Variants in PRR16 observed in about 807,000 individuals in gnomAD.
PRR16 encodes protein Largen.
In PRR16, 6 loss-of-function variants were observed where a neutral mutation model predicts 18.2. That is an observed-to-expected ratio of 0.33 (90% CI 0.18 to 0.65). The LOEUF (loss-of-function observed/expected upper bound fraction) is 0.65. Among genes scored for constraint, PRR16 ranks in the 30% least tolerant of loss-of-function variants. The pLI is 0.74. For missense variants in PRR16, 412 were observed against 376.6 expected, an observed-to-expected ratio of 1.09 and a Z score of -0.78; for synonymous variants, 151 against 147.8, an observed-to-expected ratio of 1.02 and a Z score of -0.16.
chr5:120,545,969 G>T (rs549428507), intron 1 of PRR16, among the ~76,000 whole-genome samples: 2 of 152,150 alleles, frequency 1.3e-5, no homozygotes, highest in South Asian at 4.1e-4. Flanking sequence ...TGATGGTATG[G>T]CCTTCTACTA....
intron 1 of PRR16, among the ~76,000 whole-genome samples, chr5:120,608,974 TA>T (rs1754245347): frequency 6.6e-6 from 1 of 152,210 alleles, no homozygotes; most frequent in Non-Finnish European, 1.5e-5. Context: ...GGTATTCTGT[TA>T]AGAAAATTAA....
At chr5:120,723,750 G>T in the PRR16 span, among the ~76,000 whole-genome samples, 1 of 151,634 alleles carries the variant, frequency 6.6e-6, no homozygotes, top group African/African-American at 2.4e-5. Flanking sequence ...TGTACTTCTT[G>T]TTCATTTATT....
At chr5:120,474,088 C>T (rs574307209) in intron 1 of PRR16, among the ~76,000 whole-genome samples, 8 of 152,072 alleles carry the variant, frequency 5.3e-5, no homozygotes, top group Non-Finnish European at 1.0e-4. Context: ...CAGGAGTGGA[C>T]GAGCAGGGCA....
chr5:120,780,631 C>T, the PRR16 span, among the ~76,000 whole-genome samples: 385 of 152,240 alleles, frequency 2.5e-3, no homozygotes, highest in African/African-American at 9.1e-3. Flanking sequence ...CAAATTAAGT[C>T]TGAGCTAGGC....
chr5:120,491,724 A>G (rs1366097739), intron 1 of PRR16, among the ~76,000 whole-genome samples: 1 of 152,106 alleles, frequency 6.6e-6, no homozygotes, highest in South Asian at 2.1e-4. Flanking sequence ...TTGTATTTTT[A>G]TTAGAGACAG....
the PRR16 span, among the ~76,000 whole-genome samples, chr5:120,745,610 C>G: frequency 6.6e-6 from 1 of 151,988 alleles, no homozygotes; most frequent in African/African-American, 2.4e-5. Flanking sequence ...GATTTTATGG[C>G]CTCCAGTGTA....
At chr5:120,779,739 A>ACAG in the PRR16 span, among the ~76,000 whole-genome samples, 4 of 152,184 alleles carry the variant, frequency 2.6e-5, no homozygotes, top group African/African-American at 9.7e-5. Flanking sequence ...ATTCTTAATA[A>ACAG]CAGCAAAGGA....
At chr5:120,498,484 C>T (rs77722499) in intron 1 of PRR16, among the ~76,000 whole-genome samples, 3,040 of 151,474 alleles carry the variant, frequency 0.02, 40 homozygotes, top group Middle Eastern at 0.031. Flanking sequence ...TTATATTTGC[C>T]TTAACTATTT....
the PRR16 span, among the ~76,000 whole-genome samples, chr5:120,753,878 T>TC: frequency 1.0e-5 from 1 of 96,990 alleles, no homozygotes. Context: ...TATTATATAT[T>TC]TATATATTAT....
chr5:120,754,401 T>TTATACTATATAGTATATATTATATAATA, the PRR16 span, among the ~76,000 whole-genome samples: 34,890 of 66,376 alleles, frequency 0.53, 10,761 homozygotes, highest in East Asian at 0.78. Context: ...ATGTTATATA[T>TTATACTATATAGTATATATTATATAATA]TATACTATAT....
Position 120,635,299 on chromosome 5 carries a change from A to G in PRR16, c.160-50655A>G, listed in dbSNP as rs1462510580. 1.3e-5 allele frequency among the ~76,000 whole-genome samples: 2 copies of G among 152,094 alleles called. 1 individual carries two copies. The highest frequency in any genetic ancestry group is 3.9e-4 in the East Asian group (2 of 5,176). On this transcript the variant is annotated intron_variant, in intron 1 of 1. Transcript: ENST00000407149. ...ATATCACCCTAATACCAAAACCAGG[A>G]AAGAACATAACGAAAAAGGAAGGAA...
chr5:120,566,924 G>T (rs1297778103), intron 1 of PRR16, among the ~76,000 whole-genome samples: 1 of 152,014 alleles, frequency 6.6e-6, no homozygotes, highest in Non-Finnish European at 1.5e-5. Context: ...CTTTTAAATT[G>T]ATATAAATGT....
At chr5:120,552,321 T>C (rs907336895) in intron 1 of PRR16, among the ~76,000 whole-genome samples, 5 of 151,934 alleles carry the variant, frequency 3.3e-5, no homozygotes, top group African/African-American at 9.7e-5. Context: ...TTGATTCTTA[T>C]TGACGTTTGC....
intron 1 of PRR16, among the ~76,000 whole-genome samples, chr5:120,673,136 C>A (rs760779409): frequency 1.3e-5 from 2 of 152,216 alleles, no homozygotes; most frequent in African/African-American, 2.4e-5. Context: ...TTTACTAAAA[C>A]TTATAGACAA....
chr5:120,745,119 T>C, the PRR16 span, among the ~76,000 whole-genome samples: 1 of 152,178 alleles, frequency 6.6e-6, no homozygotes, highest in Non-Finnish European at 1.5e-5. Context: ...CATAAGAAGA[T>C]AATGAGATTG....
chr5:120,771,650 T>G, the PRR16 span, among the ~76,000 whole-genome samples: 1 of 151,788 alleles, frequency 6.6e-6, no homozygotes, highest in Non-Finnish European at 1.5e-5. Flanking sequence ...ATGTCAAGAG[T>G]GGTGAATGAG....
At chr5:120,789,253 C>T in the PRR16 span, among the ~76,000 whole-genome samples, 1 of 152,060 alleles carries the variant, frequency 6.6e-6, no homozygotes, top group Admixed American at 6.6e-5. Flanking sequence ...TACATCTTAA[C>T]TTAAATAGAA....
the PRR16 span, among the ~76,000 whole-genome samples, chr5:120,764,344 G>T: frequency 6.6e-6 from 1 of 151,774 alleles, no homozygotes; most frequent in Non-Finnish European, 1.5e-5. Flanking sequence ...TCAGTCTCTT[G>T]ATGTAATATG....
At chr5:120,557,322 T>C (rs1315850350) in intron 1 of PRR16, among the ~76,000 whole-genome samples, 1 of 151,954 alleles carries the variant, frequency 6.6e-6, no homozygotes, top group Non-Finnish European at 1.5e-5. Context: ...TTGTTTGATA[T>C]AGTTTTCCTC....
Sources: gnomAD v4.1 joint callset for allele counts (sites outside exome capture counted in the v4.1 genomes callset) on GRCh38, gnomAD v4.1.1 for gene constraint, MANE v1.5 for transcripts, NCBI Gene and HGNC (gene_info 2026-07-23, HGNC 2026-07-21) for gene names.